The following SERGEF variants were observed in gnomAD, a reference collection of about 807,000 sequenced individuals.
SERGEF encodes secretion regulating guanine nucleotide exchange factor.
In SERGEF, 51 loss-of-function variants were observed where a neutral mutation model predicts 50.0. The ratio of observed to expected loss-of-function variants is 1.02; its 90% CI spans 0.81 to 1.29. SERGEF has a LOEUF of 1.29. SERGEF is among the 50% of genes most tolerant of loss of function. The pLI is 0.00. For missense variants in SERGEF, 521 were observed against 557.0 expected, an observed-to-expected ratio of 0.94 and a Z score of 0.65; for synonymous variants, 205 against 212.4, an observed-to-expected ratio of 0.97 and a Z score of 0.30.
intron 9 of SERGEF, among the ~76,000 whole-genome samples, chr11:17,931,346 T>G (rs939053668): frequency 6.6e-6 from 1 of 152,180 alleles, no homozygotes; most frequent in Non-Finnish European, 1.5e-5. Flanking sequence ...TTCACAAACA[T>G]GTAATGCCAC....
intron 10 of SERGEF, among the ~76,000 whole-genome samples, chr11:17,838,013 T>A (rs1040909831): frequency 4.6e-5 from 7 of 152,172 alleles, no homozygotes; most frequent in African/African-American, 1.7e-4. Context: ...TATTCCTTGA[T>A]ACAATCACCA....
intron 8 of SERGEF, among the ~76,000 whole-genome samples, chr11:17,967,515 C>A (rs1193652967): frequency 1.3e-5 from 2 of 152,308 alleles, no homozygotes; most frequent in East Asian, 3.9e-4. Flanking sequence ...ATTTTCACCA[C>A]TGACTTTATT....
Position 17,896,653 on chromosome 11 carries a change from G to A in SERGEF, c.1012-18409C>T, listed in dbSNP as rs1412775217. On this transcript the variant is annotated intron_variant, in intron 9 of 10. Coordinates refer to ENST00000265965, the MANE Select transcript of SERGEF (RefSeq NM_012139.4). ...AGGGGAAGGGAAGGGGAAGGGAAGG[G>A]GAAGGGAAGGGTAACGGGAAGGGAA... Among the ~76,000 whole-genome samples the A allele has an allele frequency of 1.6e-4, 12 of 77,056 alleles. 1 individual carries two copies. Among genetic ancestry groups the A allele is most frequent in the African/African-American group, 5.1e-4 (10 of 19,706 alleles). 50.6% of individuals were successfully genotyped at this position (77,056 alleles called of 152,430 possible).
chr11:17,953,410 G>A (rs1673162486), intron 9 of SERGEF, among the ~76,000 whole-genome samples: 1 of 152,196 alleles, frequency 6.6e-6, no homozygotes, highest in South Asian at 2.1e-4. Flanking sequence ...AAAGGACTAT[G>A]AGACTCATCA....
intron 10 of SERGEF, among the ~76,000 whole-genome samples, chr11:17,854,494 C>T (rs528189811): frequency 1.3e-5 from 2 of 152,122 alleles, no homozygotes; most frequent in East Asian, 1.9e-4. Flanking sequence ...CCCATTCTTC[C>T]CCTTCCTTTC....
intron 10 of SERGEF, among the ~76,000 whole-genome samples, chr11:17,828,871 T>C (rs1322845806): frequency 6.6e-6 from 1 of 152,016 alleles, no homozygotes; most frequent in African/African-American, 2.4e-5. Flanking sequence ...GTCAGGAAAA[T>C]ACTGAGGGTT....
At chr11:17,879,138 C>G (rs1851293679) in intron 9 of SERGEF, among the ~76,000 whole-genome samples, 1 of 152,200 alleles carries the variant, frequency 6.6e-6, no homozygotes, top group Non-Finnish European at 1.5e-5. Flanking sequence ...GAACAAAGTA[C>G]ATAAAAGAAC....
At chr11:17,819,794 C>A (rs1033785188) in intron 10 of SERGEF, among the ~76,000 whole-genome samples, 1 of 152,186 alleles carries the variant, frequency 6.6e-6, no homozygotes, top group Non-Finnish European at 1.5e-5. Context: ...ACCAGAGGTG[C>A]TGGGCAAAAC....
intron 10 of SERGEF, among the ~76,000 whole-genome samples, chr11:17,806,235 T>C (rs952640803): frequency 3.9e-5 from 6 of 152,120 alleles, no homozygotes; most frequent in Admixed American, 2.6e-4. Flanking sequence ...TAATATCAAT[T>C]CTAGATAAAG....
chr11:17,817,751 CTG>C (rs1458089582), intron 10 of SERGEF, among the ~76,000 whole-genome samples: 3 of 152,182 alleles, frequency 2.0e-5, no homozygotes, highest in African/African-American at 7.2e-5. Flanking sequence ...GTTGAGGAAA[CTG>C]AGGTTTGAGC....
chr11:18,010,854 G>A (rs1424601971), intron 1 of SERGEF, among the ~76,000 whole-genome samples: 2 of 152,106 alleles, frequency 1.3e-5, no homozygotes, highest in African/African-American at 4.8e-5. Context: ...AGCATGAAGG[G>A]GAATATAGAG....
At chr11:17,861,648 C>T (rs1462591315) in intron 10 of SERGEF, among the ~76,000 whole-genome samples, 3 of 152,234 alleles carry the variant, frequency 2.0e-5, no homozygotes, top group Admixed American at 2.0e-4. Context: ...GCATGCGTGC[C>T]GCAAGGGCTA....
chr11:17,948,031 C>G (rs1852700533), intron 9 of SERGEF, among the ~76,000 whole-genome samples: 2 of 150,624 alleles, frequency 1.3e-5, no homozygotes, highest in Non-Finnish European at 2.9e-5. Context: ...CAGCTAACTG[C>G]AACCTCCATT....
At chr11:17,952,242 C>A (rs1169590198) in intron 9 of SERGEF, among the ~76,000 whole-genome samples, 4 of 152,114 alleles carry the variant, frequency 2.6e-5, no homozygotes, top group Non-Finnish European at 5.9e-5. Context: ...TTTGTGAATT[C>A]TTGGTGCCTG....
chr11:17,907,282 G>A (rs949314060), intron 9 of SERGEF, among the ~76,000 whole-genome samples: 1 of 152,158 alleles, frequency 6.6e-6, no homozygotes, highest in Middle Eastern at 3.4e-3. Context: ...GCAAACCACA[G>A]GATCCCTAGA....
chr11:17,877,702 T>C (rs1851262962), intron 10 of SERGEF: 1 of 153,098 alleles, frequency 6.5e-6, no homozygotes, highest in Admixed American at 6.5e-5. Flanking sequence ...TAAACTATGA[T>C]TATCCAGGGC....
At chr11:17,825,624 T>C (rs547878017) in intron 10 of SERGEF, among the ~76,000 whole-genome samples, 3 of 152,326 alleles carry the variant, frequency 2.0e-5, no homozygotes, top group South Asian at 2.1e-4. Context: ...TAGATACTCA[T>C]TGAATAAAGC....
At chr11:17,814,096 G>A (rs1215541585) in intron 10 of SERGEF, among the ~76,000 whole-genome samples, 2 of 152,214 alleles carry the variant, frequency 1.3e-5, no homozygotes, top group African/African-American at 4.8e-5. Flanking sequence ...AAATGTCTTT[G>A]TTGAGAACTC....
At chr11:17,920,830 C>T (rs1852141536) in intron 9 of SERGEF, among the ~76,000 whole-genome samples, 1 of 152,170 alleles carries the variant, frequency 6.6e-6, no homozygotes, top group Non-Finnish European at 1.5e-5. Flanking sequence ...AGAGAATCAC[C>T]AAGAGAACGA....
Sources: allele counts gnomAD v4.1 joint callset (sites outside exome capture counted in the v4.1 genomes callset), GRCh38; gene constraint gnomAD v4.1.1; transcripts MANE v1.5; gene names NCBI Gene and HGNC (gene_info 2026-07-23, HGNC 2026-07-21).